Variants in IQCJ observed in about 807,000 individuals in gnomAD.
The protein encoded by IQCJ is IQ motif containing J, also known as IQ domain-containing protein J.
IQCJ carries 9 observed loss-of-function variants against 11.0 expected under a neutral mutation model. The observed-to-expected ratio is 0.82, with a 90% CI of 0.49 to 1.43. The LOEUF (loss-of-function observed/expected upper bound fraction) is 1.43, where lower values mean the gene tolerates loss of function less well. Ranked by LOEUF, IQCJ falls within the 40% of genes most tolerant of loss-of-function variation. The pLI is 0.00. For synonymous variants in IQCJ, 55 were observed against 51.3 expected (o/e 1.07, Z -0.31); for missense variants, 146 against 133.2 (o/e 1.10, Z -0.47).
At chr3:159,124,891 A>T (rs1030039777) in intron 1 of IQCJ, among the ~76,000 whole-genome samples, 1 of 152,226 alleles carries the variant, frequency 6.6e-6, no homozygotes, top group African/African-American at 2.4e-5. Flanking sequence ...TGTTCCAGAC[A>T]CTATGCTAAG....
At chr3:159,160,700 T>C in intron 1 of IQCJ, among the ~76,000 whole-genome samples, 1 of 114,476 alleles carries the variant, frequency 8.7e-6, no homozygotes, top group Non-Finnish European at 1.7e-5. Context: ...ACCCCACAAC[T>C]GTCCCCAGAG....
intron 1 of IQCJ, among the ~76,000 whole-genome samples, chr3:159,201,957 C>T (rs189740471): frequency 3.3e-5 from 5 of 152,214 alleles, no homozygotes; most frequent in East Asian, 3.9e-4. Context: ...ATGCACATAA[C>T]GTGGAGCACA....
At chr3:159,165,478 C>A (rs1184164615) in intron 1 of IQCJ, among the ~76,000 whole-genome samples, 3 of 152,226 alleles carry the variant, frequency 2.0e-5, no homozygotes, top group Non-Finnish European at 4.4e-5. Flanking sequence ...ATTACACAGG[C>A]AATTGTGTAT....
At chr3:159,256,671 A>G (rs576220984) in intron 3 of IQCJ, among the ~76,000 whole-genome samples, 143 of 152,344 alleles carry the variant, frequency 9.4e-4, no homozygotes, top group African/African-American at 3.3e-3. Context: ...TCAGCTTTCA[A>G]TGAGAAAATT....
At chr3:159,089,550 G>A (rs1717079790) in intron 1 of IQCJ, among the ~76,000 whole-genome samples, 1 of 151,774 alleles carries the variant, frequency 6.6e-6, no homozygotes. Flanking sequence ...GTCACTTTCA[G>A]GTACACCAAT....
At chr3:159,112,345 A>C (rs1718682862) in intron 1 of IQCJ, among the ~76,000 whole-genome samples, 1 of 152,070 alleles carries the variant, frequency 6.6e-6, no homozygotes, top group South Asian at 2.1e-4. Context: ...TCAACTTCTT[A>C]GACATCAGCA....
In IQCJ at chr3:159,263,299, A is replaced by G; in HGVS notation, c.*568A>G. 2.5e-6 allele frequency: 1 copy of G among 396,840 alleles called. No homozygotes were observed. Among genetic ancestry groups the G allele is most frequent in the South Asian group, 1.0e-4 (1 of 9,582 alleles). The allele number at this position is 396,840 out of a possible 1,614,324, so 24.6% of individuals were successfully genotyped here. The stretch of plus-strand genomic sequence containing the variant: ...TTTCTTTCTTCAGGACATGTCAGAA[A>G]TCTGCATTTTTAAGTGTTAGCAGCC... On this transcript the variant is annotated 3_prime_UTR_variant, in exon 4 of 4. Coordinates refer to ENST00000397832, the MANE Select transcript of IQCJ (RefSeq NM_001042706.3).
At chr3:159,179,031 T>C (rs1722947397) in intron 1 of IQCJ, among the ~76,000 whole-genome samples, 1 of 152,194 alleles carries the variant, frequency 6.6e-6, no homozygotes, top group Non-Finnish European at 1.5e-5. Context: ...CTACATGTTA[T>C]CTGTCCTCCA....
At chr3:159,117,059 C>T (rs927821939) in intron 1 of IQCJ, among the ~76,000 whole-genome samples, 1 of 152,186 alleles carries the variant, frequency 6.6e-6, no homozygotes, top group African/African-American at 2.4e-5. Flanking sequence ...TGTTATACTA[C>T]TCTTCCGTAA....
chr3:159,172,838 AC>A (rs1325479504), intron 1 of IQCJ, among the ~76,000 whole-genome samples: 1 of 151,948 alleles, frequency 6.6e-6, no homozygotes, highest in Non-Finnish European at 1.5e-5. Context: ...ATACAATGAA[AC>A]TCATCTCTAT....
intron 1 of IQCJ, among the ~76,000 whole-genome samples, chr3:159,150,621 C>T (rs915629476): frequency 6.7e-6 from 1 of 150,016 alleles, no homozygotes; most frequent in Non-Finnish European, 1.5e-5. Context: ...CACACATATT[C>T]TGGGGGCTGT....
intron 1 of IQCJ, among the ~76,000 whole-genome samples, chr3:159,162,325 G>C (rs1044112961): frequency 7.9e-5 from 12 of 152,110 alleles, no homozygotes; most frequent in East Asian, 1.9e-4. Flanking sequence ...TGATTTGGCT[G>C]TCTGTTTGTC....
chr3:159,201,979 A>G (rs1295095878), intron 1 of IQCJ, among the ~76,000 whole-genome samples: 1 of 152,184 alleles, frequency 6.6e-6, no homozygotes, highest in Non-Finnish European at 1.5e-5. Flanking sequence ...AATATACTAC[A>G]CTGGAAGACA....
chr3:159,216,807 G>A (rs1725260433), intron 1 of IQCJ, among the ~76,000 whole-genome samples: 1 of 152,046 alleles, frequency 6.6e-6, no homozygotes, highest in Non-Finnish European at 1.5e-5. Flanking sequence ...AACCCTTGAA[G>A]TTATCTTTAA....
At chr3:159,260,812 A>T (rs959587198) in intron 3 of IQCJ, among the ~76,000 whole-genome samples, 2 of 149,260 alleles carry the variant, frequency 1.3e-5, no homozygotes, top group African/African-American at 4.9e-5. Flanking sequence ...AGAGTCCTTT[A>T]AAAAAAAAAC....
rs540274674 is a variant in IQCJ at position 159,219,209 on chromosome 3, G to A, written c.10-26634G>A. On this transcript the variant is annotated intron_variant, in intron 1 of 3. Coordinates refer to ENST00000397832, the MANE Select transcript of IQCJ (RefSeq NM_001042706.3). ...AACCTTACATCAAAAATCTCTAGGA[G>A]AAGCATGTCTGATCAAAGGACTCCC... Among the ~76,000 whole-genome samples, 6 of 152,198 alleles carry A rather than the reference G, an allele frequency of 3.9e-5. No individual in the cohort carries two copies. In the South Asian group the frequency reaches 1.2e-3, roughly 32 times the overall value.
chr3:159,108,084 C>T (rs1718387126), intron 1 of IQCJ, among the ~76,000 whole-genome samples: 1 of 150,328 alleles, frequency 6.7e-6, no homozygotes. Context: ...ATAGGGTTGG[C>T]AGAGAGGATA....
At chr3:159,101,608 G>T (rs1478714294) in intron 1 of IQCJ, among the ~76,000 whole-genome samples, 1 of 152,176 alleles carries the variant, frequency 6.6e-6, no homozygotes, top group African/African-American at 2.4e-5. Context: ...TTTGCCAACA[G>T]AGCTCTGGGT....
At chr3:159,117,640 T>C (rs6809377) in intron 1 of IQCJ, among the ~76,000 whole-genome samples, 49,978 of 151,956 alleles carry the variant, frequency 0.33, 8,566 homozygotes, top group Non-Finnish European at 0.39. Context: ...GGATCTTCCA[T>C]TGATAAACTG....
Sources: allele counts gnomAD v4.1 joint callset (sites outside exome capture counted in the v4.1 genomes callset), GRCh38; gene constraint gnomAD v4.1.1; transcripts MANE v1.5; gene names NCBI Gene and HGNC (gene_info 2026-07-23, HGNC 2026-07-21).